The following GRID2 variants were observed in gnomAD, a reference collection of about 807,000 sequenced individuals.
GRID2 encodes the protein glutamate receptor ionotropic, delta-2.
A neutral mutation model predicts 114.8 loss-of-function variants in GRID2; 33 were observed. The ratio of observed to expected loss-of-function variants is 0.29; its 90% CI spans 0.22 to 0.38. The LOEUF (loss-of-function observed/expected upper bound fraction) is 0.38, where lower values mean the gene tolerates loss of function less well. Ranked by LOEUF, GRID2 falls within the 10% of genes least tolerant of loss-of-function variation. GRID2 has a pLI of 1.00. For missense variants in GRID2, 1,184 were observed against 1,257.7 expected (o/e 0.94, Z 0.89); for synonymous variants, 505 against 449.9 (o/e 1.12, Z -1.55).
intron 2 of GRID2, among the ~76,000 whole-genome samples, chr4:92,604,910 C>G (rs548993225): frequency 4.6e-5 from 7 of 152,140 alleles, no homozygotes; most frequent in African/African-American, 1.4e-4. Context: ...AAGGAAAAGA[C>G]CAAGTGGAGG....
intron 2 of GRID2, among the ~76,000 whole-genome samples, chr4:92,964,878 T>A (rs1030104705): frequency 1.3e-5 from 2 of 152,026 alleles, no homozygotes; most frequent in African/African-American, 4.8e-5. Flanking sequence ...CAAAAAAGAC[T>A]TCTTTGTTTT....
chr4:93,293,983 G>A (rs1185924265), intron 8 of GRID2, among the ~76,000 whole-genome samples: 1 of 152,210 alleles, frequency 6.6e-6, no homozygotes, highest in Non-Finnish European at 1.5e-5. Flanking sequence ...CGATTATGCT[G>A]TGGGGAGAAG....
intron 2 of GRID2, among the ~76,000 whole-genome samples, chr4:92,940,576 T>G (rs1384468715): frequency 6.6e-6 from 1 of 152,202 alleles, no homozygotes; most frequent in African/African-American, 2.4e-5. Context: ...CCCTGCCTAA[T>G]TGCCCTGGCC....
intron 2 of GRID2, among the ~76,000 whole-genome samples, chr4:92,602,936 A>G (rs957473472): frequency 1.3e-5 from 2 of 152,176 alleles, no homozygotes; most frequent in South Asian, 2.1e-4. Context: ...ATAATAAATG[A>G]ACTCCAATTC....
chr4:92,938,853 T>C (rs868222567), intron 2 of GRID2, among the ~76,000 whole-genome samples: 1 of 146,388 alleles, frequency 6.8e-6, no homozygotes, highest in Non-Finnish European at 1.5e-5. Flanking sequence ...CTAAGAATGA[T>C]GGTTTCCAGC....
At chr4:92,521,335 A>G (rs868617554) in intron 1 of GRID2, among the ~76,000 whole-genome samples, 1 of 151,978 alleles carries the variant, frequency 6.6e-6, no homozygotes, top group East Asian at 1.9e-4. Context: ...ATAACAAACA[A>G]GTATAAAAAC....
At chr4:93,003,212 A>G (rs1721183585) in intron 2 of GRID2, among the ~76,000 whole-genome samples, 1 of 151,912 alleles carries the variant, frequency 6.6e-6, no homozygotes, top group Admixed American at 6.6e-5. Context: ...AGAATTATTT[A>G]TTTAATCTTT....
At chr4:92,950,145 GA>G (rs1242435398) in intron 2 of GRID2, among the ~76,000 whole-genome samples, 4 of 152,090 alleles carry the variant, frequency 2.6e-5, no homozygotes, top group African/African-American at 9.7e-5. Flanking sequence ...CATTTACTTT[GA>G]CAGAGTTTCC....
chr4:93,429,681 A>T (rs760023080), intron 10 of GRID2, among the ~76,000 whole-genome samples: 1 of 152,198 alleles, frequency 6.6e-6, no homozygotes, highest in Non-Finnish European at 1.5e-5. Flanking sequence ...ACCCAGGAAA[A>T]TGGAAAAAAA....
chr4:92,399,693 G>A (rs1466988389), intron 1 of GRID2, among the ~76,000 whole-genome samples: 2 of 150,462 alleles, frequency 1.3e-5, no homozygotes, highest in African/African-American at 2.4e-5. Context: ...ATACATACAT[G>A]TGTGTTTGTG....
At chr4:93,238,334 T>A in intron 7 of GRID2, 37 bp from the exon 8 acceptor site, 1 of 1,474,402 alleles carries the variant, frequency 6.8e-7, no homozygotes, top group Non-Finnish European at 9.3e-7. Context: ...TTTTTTTACT[T>A]CTCAAATTTT....
intron 8 of GRID2, among the ~76,000 whole-genome samples, chr4:93,282,831 G>T (rs2149129717): frequency 6.6e-6 from 1 of 152,068 alleles, no homozygotes; most frequent in South Asian, 2.1e-4. Flanking sequence ...GGCTCAGGAA[G>T]TTTACCATAT....
intron 1 of GRID2, among the ~76,000 whole-genome samples, chr4:92,322,311 G>A (rs1160627104): frequency 6.6e-6 from 1 of 151,830 alleles, no homozygotes; most frequent in Non-Finnish European, 1.5e-5. Context: ...CTCTGTCTTG[G>A]TGGCGACACT....
intron 2 of GRID2, among the ~76,000 whole-genome samples, chr4:92,612,426 T>C (rs1285165043): frequency 2.0e-5 from 3 of 151,452 alleles, no homozygotes; most frequent in Non-Finnish European, 3.0e-5. Context: ...TTATTTTTGG[T>C]TATTGAGTTC....
intron 14 of GRID2, among the ~76,000 whole-genome samples, chr4:93,705,131 G>A (rs1159150182): frequency 6.6e-6 from 1 of 151,944 alleles, no homozygotes; most frequent in Non-Finnish European, 1.5e-5. Flanking sequence ...CCTATCTTTT[G>A]GATAAAAGCC....
At chr4:93,170,280 C>T (rs1033094491) in intron 4 of GRID2, among the ~76,000 whole-genome samples, 3 of 152,052 alleles carry the variant, frequency 2.0e-5, no homozygotes, top group Admixed American at 1.3e-4. Context: ...GATGGGGTTT[C>T]GCCACGTTGG....
intron 4 of GRID2, among the ~76,000 whole-genome samples, chr4:93,198,377 C>T (rs185555680): frequency 5.3e-5 from 8 of 151,924 alleles, no homozygotes; most frequent in Non-Finnish European, 1.0e-4. Flanking sequence ...GATGAAGTCA[C>T]ATGCAGAGAC....
chr4:93,147,471 T>G (rs2149393240), intron 4 of GRID2, among the ~76,000 whole-genome samples: 1 of 152,286 alleles, frequency 6.6e-6, no homozygotes, highest in East Asian at 1.9e-4. Context: ...AAAATGTACT[T>G]TTTTTTGAAA....
chr4:92,625,600 A>G (rs1485063793), intron 2 of GRID2, among the ~76,000 whole-genome samples: 1 of 151,872 alleles, frequency 6.6e-6, no homozygotes, highest in Non-Finnish European at 1.5e-5. Context: ...ATCACTTATT[A>G]ACTTTATGAA....
Sources: gnomAD v4.1 joint callset for allele counts (sites outside exome capture counted in the v4.1 genomes callset) on GRCh38, gnomAD v4.1.1 for gene constraint, MANE v1.5 for transcripts, NCBI Gene and HGNC (gene_info 2026-07-23, HGNC 2026-07-21) for gene names.